Variants in SLC5A4 observed in about 807,000 individuals in gnomAD.
The protein encoded by SLC5A4 is solute carrier family 5 member 4, also known as probable glucose sensor protein SLC5A4.
A neutral mutation model predicts 70.3 loss-of-function variants in SLC5A4; 55 were observed. That is an observed-to-expected ratio of 0.78 (90% confidence interval 0.63 to 0.98). The LOEUF (loss-of-function observed/expected upper bound fraction) is 0.98. SLC5A4 is among the 50% of genes least tolerant of loss of function. The pLI is 0.00. For synonymous variants in SLC5A4, 268 were observed against 305.7 expected, an observed-to-expected ratio of 0.88 and a Z score of 1.29; for missense variants, 735 against 839.2, an observed-to-expected ratio of 0.88 and a Z score of 1.53.
At chr22:32,312,111 C>T in the SLC5A4 span, among the ~76,000 whole-genome samples, 7 of 152,040 alleles carry the variant, frequency 4.6e-5, no homozygotes, top group African/African-American at 1.4e-4. Flanking sequence ...GCCTGAGATG[C>T]GTCCCTGAGT....
chr22:32,313,177 G>C, the SLC5A4 span, among the ~76,000 whole-genome samples: 1 of 152,206 alleles, frequency 6.6e-6, no homozygotes, highest in African/African-American at 2.4e-5. Flanking sequence ...TGCATACATA[G>C]AGGTATAATA....
the SLC5A4 span, among the ~76,000 whole-genome samples, chr22:32,280,819 C>T: frequency 2.1e-4 from 32 of 152,228 alleles, no homozygotes; most frequent in Admixed American, 1.4e-3. Context: ...GGATGACACT[C>T]GGAGGGTGCA....
At chr22:32,299,264 C>G in the SLC5A4 span, among the ~76,000 whole-genome samples, 4 of 150,370 alleles carry the variant, frequency 2.7e-5, no homozygotes, top group African/African-American at 9.8e-5. Flanking sequence ...CAACTTGGTT[C>G]CATTCTCCCC....
At chr22:32,333,415 T>G in the SLC5A4 span, among the ~76,000 whole-genome samples, 2 of 152,128 alleles carry the variant, frequency 1.3e-5, no homozygotes, top group Admixed American at 1.3e-4. Context: ...GGTGAATGGG[T>G]GTAGGTAAGC....
chr22:32,309,840 T>C, the SLC5A4 span, among the ~76,000 whole-genome samples: 7 of 151,236 alleles, frequency 4.6e-5, no homozygotes, highest in African/African-American at 1.5e-4. Flanking sequence ...GGAAGGAGGG[T>C]GCTGTGGCTG....
the SLC5A4 span, among the ~76,000 whole-genome samples, chr22:32,314,523 C>T: frequency 2.0e-5 from 3 of 151,960 alleles, no homozygotes; most frequent in Non-Finnish European, 2.9e-5. Flanking sequence ...ATTATAGTTC[C>T]CATGACCCCT....
rs188614427 is a variant in SLC5A4, at chr22:32,233,097, G to A, written c.886-63C>T. On this transcript the variant is annotated intron_variant, in intron 8 of 14. Coordinates refer to ENST00000266086, the MANE Select transcript of SLC5A4 (RefSeq NM_014227.3). ...GGGGATGATTTCAAAGGCAGTCAGC[G>A]TCCCTTTCCAGAGTTTAATGTTGCA... The A allele has an allele frequency of 1.3e-4, 207 of 1,556,090 alleles. No homozygotes were observed. In the Middle Eastern group the frequency reaches 4.7e-3, roughly 35 times the overall value.
At chr22:32,303,013 AAAT>A in the SLC5A4 span, among the ~76,000 whole-genome samples, 1 of 151,380 alleles carries the variant, frequency 6.6e-6, no homozygotes, top group African/African-American at 2.4e-5. Context: ...TTTTTTAAAA[AAAT>A]AATTTGTTTA....
chr22:32,329,033 T>C, the SLC5A4 span, among the ~76,000 whole-genome samples: 9 of 152,252 alleles, frequency 5.9e-5, no homozygotes, highest in African/African-American at 2.2e-4. Context: ...GCTCTGGGGG[T>C]TCCCTAGCAC....
At chr22:32,340,535 C>A in the SLC5A4 span, among the ~76,000 whole-genome samples, 1 of 152,232 alleles carries the variant, frequency 6.6e-6, no homozygotes, top group African/African-American at 2.4e-5. Flanking sequence ...GACAAGGCAG[C>A]TGAAGGAGGA....
chr22:32,280,854 C>T, the SLC5A4 span, among the ~76,000 whole-genome samples: 2 of 151,860 alleles, frequency 1.3e-5, no homozygotes, highest in Admixed American at 6.5e-5. Flanking sequence ...TCAGGAGGTA[C>T]GGTTCAAGCT....
chr22:32,327,043 C>T, the SLC5A4 span: 1 of 152,234 alleles, frequency 6.6e-6, no homozygotes, highest in Non-Finnish European at 1.5e-5. Context: ...TCCTCCGGAT[C>T]TGTACAAGAC....
the SLC5A4 span, among the ~76,000 whole-genome samples, chr22:32,332,857 T>A: frequency 6.6e-6 from 1 of 152,242 alleles, no homozygotes; most frequent in South Asian, 2.1e-4. Flanking sequence ...TGCTCTGAGA[T>A]GCTGTCCTTT....
chr22:32,285,794 C>T, the SLC5A4 span, among the ~76,000 whole-genome samples: 203 of 151,362 alleles, frequency 1.3e-3, 1 homozygote, highest in Admixed American at 3.8e-3. Context: ...TGGAGTGCAG[C>T]GGCGCGATCT....
the SLC5A4 span, among the ~76,000 whole-genome samples, chr22:32,291,896 G>A: frequency 7.6e-6 from 1 of 131,784 alleles, no homozygotes; most frequent in Admixed American, 8.2e-5. Context: ...TTTTGGAGAT[G>A]GAGTCTCATT....
At chr22:32,348,353 C>T in the SLC5A4 span, among the ~76,000 whole-genome samples, 1 of 152,198 alleles carries the variant, frequency 6.6e-6, no homozygotes, top group Non-Finnish European at 1.5e-5. Flanking sequence ...GTGTATCCAT[C>T]TCATTTCCTG....
chr22:32,340,828 A>C, the SLC5A4 span, among the ~76,000 whole-genome samples: 2 of 152,148 alleles, frequency 1.3e-5, no homozygotes, highest in African/African-American at 4.8e-5. Context: ...AGTGCAAAGG[A>C]GACCATCGGC....
chr22:32,352,541 C>T, the SLC5A4 span, among the ~76,000 whole-genome samples: 4 of 152,060 alleles, frequency 2.6e-5, no homozygotes, highest in Admixed American at 1.3e-4. Flanking sequence ...AGGAGGAGGG[C>T]GCCCTCCAGA....
chr22:32,344,205 T>A, the SLC5A4 span, among the ~76,000 whole-genome samples: 7 of 152,170 alleles, frequency 4.6e-5, no homozygotes, highest in Non-Finnish European at 1.0e-4. Context: ...CAAAGAAATG[T>A]CAGGTTTAAA....
Sources: gnomAD v4.1 joint callset for allele counts (sites outside exome capture counted in the v4.1 genomes callset) on GRCh38, gnomAD v4.1.1 for gene constraint, MANE v1.5 for transcripts, NCBI Gene and HGNC (gene_info 2026-07-23, HGNC 2026-07-21) for gene names.